The following CARD14 variants were observed in gnomAD, a reference collection of about 807,000 sequenced individuals.
CARD14 encodes the protein caspase recruitment domain-containing protein 14.
CARD14 carries 107 observed loss-of-function variants against 111.5 expected under a neutral mutation model. That is an observed-to-expected ratio of 0.96 (90% CI 0.82 to 1.13). The LOEUF (loss-of-function observed/expected upper bound fraction) is 1.13, where lower values mean the gene tolerates loss of function less well. Among genes scored for constraint, CARD14 ranks in the 50% most tolerant of loss-of-function variants. The pLI is 0.00. For synonymous variants in CARD14, 617 were observed against 579.6 expected (o/e 1.06, Z -0.93); for missense variants, 1,322 against 1,362.3 (o/e 0.97, Z 0.47).
At chr17:80,191,939 T>C (rs1354010910) in intron 11 of CARD14, among the ~76,000 whole-genome samples, 2 of 152,204 alleles carry the variant, frequency 1.3e-5, no homozygotes, top group African/African-American at 4.8e-5. Flanking sequence ...AGCCTCTCAT[T>C]CTGGGCTGGC....
At chr17:80,177,471 G>A (rs558412416) in intron 2 of CARD14, among the ~76,000 whole-genome samples, 15 of 152,168 alleles carry the variant, frequency 9.9e-5, no homozygotes, top group Non-Finnish European at 1.6e-4. Flanking sequence ...CGAGGCAGGC[G>A]GATCACTTGA....
chr17:80,190,306 G>A (rs184327435), intron 9 of CARD14, among the ~76,000 whole-genome samples: 3 of 152,256 alleles, frequency 2.0e-5, no homozygotes, highest in South Asian at 2.1e-4. Context: ...GATGCACCTC[G>A]AAATCTAGCA....
chr17:80,192,872 C>T (rs186004807), intron 12 of CARD14, among the ~76,000 whole-genome samples: 2 of 152,240 alleles, frequency 1.3e-5, no homozygotes, highest in African/African-American at 4.8e-5. Context: ...CTTGCCTCAG[C>T]CACCCAAGTA....
chr17:80,172,638 G>GC (rs1223953269), intron 1 of CARD14, among the ~76,000 whole-genome samples: 1 of 152,034 alleles, frequency 6.6e-6, no homozygotes, highest in Non-Finnish European at 1.5e-5. Flanking sequence ...TTGCCATGAT[G>GC]CCCCCTAAAC....
intron 16 of CARD14, among the ~76,000 whole-genome samples, chr17:80,199,577 A>AG (rs1301726060): frequency 2.6e-4 from 39 of 148,828 alleles, no homozygotes; most frequent in African/African-American, 9.5e-4. Context: ...AAAAAAAAAA[A>AG]AAAAGAAAAG....
At chr17:80,205,311 C>A in intron 21 of CARD14, 106 bp downstream of exon 21, 1 of 1,195,850 alleles carries the variant, frequency 8.4e-7, no homozygotes, top group Non-Finnish European at 1.2e-6. Context: ...CCCTCCCCCA[C>A]CACGCACATT....
chr17:80,193,428 G>GACATGAGTTTCCAGGGGACCC (rs1555613323), intron 12 of CARD14, among the ~76,000 whole-genome samples: 2 of 152,020 alleles, frequency 1.3e-5, no homozygotes, highest in African/African-American at 4.8e-5. Context: ...ATGGTCCCTG[G>GACATGAGTTTCCAGGGGACCC]GATGCCGGCC....
rs555307438 is a variant in CARD14 at position 80,191,574 on chromosome 17, C to A, written c.1239+102C>A. ...GTGGCCCATGGAGGCACTGGGAGGA[C>A]AGGCAGGGTCCCAGGCTGGGCCACA... On this transcript the variant is annotated intron_variant, in intron 11 of 23. Coordinates refer to ENST00000648509, the MANE Select transcript of CARD14 (RefSeq NM_001366385.1). 50 of 1,451,896 alleles carry A rather than the reference C, an allele frequency of 3.4e-5. No homozygotes were observed. In the South Asian group the frequency reaches 5.5e-4, roughly 16 times the overall value. 89.9% of individuals were successfully genotyped at this position (1,451,896 alleles called of 1,614,324 possible).
chr17:80,206,185 G>C (rs2144586583), intron 22 of CARD14, among the ~76,000 whole-genome samples: 1 of 152,360 alleles, frequency 6.6e-6, no homozygotes, highest in Admixed American at 6.5e-5. Context: ...GGCAAACTCA[G>C]CTGGGCCTGG....
Position 80,198,675 on chromosome 17 carries a change from C to T in CARD14, c.1851+84C>T. 1.9e-6 allele frequency: 3 copies of T among 1,606,638 alleles called. No homozygotes were observed. Among genetic ancestry groups the T allele is most frequent in the Non-Finnish European group, 2.5e-6 (3 of 1,179,058 alleles). The stretch of plus-strand genomic sequence containing the variant: ...GTGGGGTGACCCAGGCAGACTTCAC[C>T]TCCCCCAGACGATGCAGATCCACTC... On this transcript the variant is annotated intron_variant, in intron 16 of 23. Coordinates refer to ENST00000648509, the MANE Select transcript of CARD14 (RefSeq NM_001366385.1). The surrounding 1 kb of genome is among the most constrained non-coding windows in gnomAD (Gnocchi z 7.5).
intron 7 of CARD14, chr17:80,187,867 A>T (rs761523659): frequency 3.0e-5 from 30 of 985,506 alleles, no homozygotes; most frequent in Non-Finnish European, 3.4e-5. Context: ...CTGCACACAG[A>T]CTGCAAGTCA....
At position 80,205,094 on chromosome 17, in the gene CARD14, C is replaced by A; in HGVS notation, c.2458C>A (p.Arg820=). ...CACCCTGGTGCCCTATACCCTGGTG[C>A]GGCCCCATCGACCCGCCCGGCCCCG... ...CLTLVPYTLV[R]PHRPARPRPV... The change falls in exon 21 of 24, where the codon CGG becomes AGG. Residue 820 remains arginine (R), a synonymous_variant. Coordinates refer to ENST00000648509, the MANE Select transcript of CARD14 (RefSeq NM_001366385.1). 1 of 1,612,662 alleles carries A rather than the reference C, an allele frequency of 6.2e-7. No individual in the cohort carries two copies. The highest frequency in any genetic ancestry group is 8.5e-7 in the Non-Finnish European group (1 of 1,179,542).
chr17:80,173,973 A>G (rs1224980363), intron 2 of CARD14, among the ~76,000 whole-genome samples: 1 of 152,222 alleles, frequency 6.6e-6, no homozygotes, highest in African/African-American at 2.4e-5. Flanking sequence ...GACAAGAACT[A>G]TTAGTTCCTA....
intron 7 of CARD14, among the ~76,000 whole-genome samples, chr17:80,186,044 G>T (rs943955649): frequency 2.0e-5 from 3 of 152,214 alleles, no homozygotes; most frequent in African/African-American, 7.2e-5. Context: ...AATATCTCGG[G>T]TGTGGGGCGC....
chr17:80,197,204 T>TAAC (rs1431711844), intron 14 of CARD14: 3 of 145,256 alleles, frequency 2.1e-5, no homozygotes, highest in South Asian at 2.2e-4. Flanking sequence ...TCAACAACAA[T>TAAC]AACAACAACA....
chr17:80,198,578 C>T lies in CARD14; in HGVS notation c.1838C>T (p.Thr613Ile), dbSNP rs1272483924. ...GACCAGATGGCCTTGCGCCCGGGCA[C>T]CCAGATTGTGATGGTGAGCCGTGCG... ...AADQMALRPG[T>I]QIVMVDYEAS... The change falls in exon 16 of 24, where the codon ACC (threonine) becomes ATC (isoleucine). Residue 613 changes from threonine to isoleucine, a missense_variant. Transcript: ENST00000648509. The surrounding 1 kb of genome is among the most constrained non-coding windows in gnomAD (Gnocchi z 7.5). 4 of 1,612,394 alleles carry T rather than the reference C, an allele frequency of 2.5e-6. No individual in the cohort carries two copies. The highest frequency in any genetic ancestry group is 3.4e-6 in the Non-Finnish European group (4 of 1,179,578).
In CARD14 at chr17:80,198,469, G is replaced by A; in HGVS notation, c.1729G>A (p.Asp577Asn). Residue 577 changes from aspartate to asparagine, a missense_variant, in exon 16 of 24, where the codon GAT (aspartate) becomes AAT (asparagine). Transcript: ENST00000648509. This position sits in a 1 kb window ranked among gnomAD's most constrained non-coding sequence, Gnocchi z 7.5. ...GGTCACCATGCTGGCGTTCCAGGGG[G>A]ATGCATTGCTGGAGCAGATCAGCGT... ...SQVTMLAFQGDALLEQISVIG... is the reference protein window; with the variant it reads ...SQVTMLAFQGNALLEQISVIG... 6.2e-7 allele frequency: 1 copy of A among 1,613,020 alleles called. No homozygotes were observed. Among genetic ancestry groups the A allele is most frequent in the Non-Finnish European group, 8.5e-7 (1 of 1,179,490 alleles).
chr17:80,171,690 A>C (rs2039907228), intron 1 of CARD14, among the ~76,000 whole-genome samples: 1 of 152,214 alleles, frequency 6.6e-6, no homozygotes, highest in African/African-American at 2.4e-5. Context: ...TGGGGGCTCC[A>C]GAAGCCTGAG....
At chr17:80,175,241 G>T (rs1162496009) in intron 2 of CARD14, among the ~76,000 whole-genome samples, 1 of 152,178 alleles carries the variant, frequency 6.6e-6, no homozygotes, top group Non-Finnish European at 1.5e-5. Flanking sequence ...GCCTCCCAAA[G>T]TTCTGGGATT....
Sources: allele counts gnomAD v4.1 joint callset (sites outside exome capture counted in the v4.1 genomes callset), GRCh38; gene constraint gnomAD v4.1.1; non-coding constraint Gnocchi (gnomAD v3.1); transcripts MANE v1.5; gene names NCBI Gene and HGNC (gene_info 2026-07-23, HGNC 2026-07-21).